CACNA1C: variants seen among roughly 807,000 people sequenced by gnomAD.
CACNA1C encodes calcium voltage-gated channel subunit alpha1 C.
In CACNA1C, 30 loss-of-function variants were observed where a neutral mutation model predicts 229.0. The ratio of observed to expected loss-of-function variants is 0.13; its 90% CI spans 0.10 to 0.18. CACNA1C has a LOEUF of 0.18. CACNA1C is among the 10% of genes least tolerant of loss of function. CACNA1C has a pLI of 1.00. For synonymous variants in CACNA1C, 1,114 were observed against 1,132.5 expected (o/e 0.98, Z 0.33); for missense variants, 1,658 against 2,845.0 (o/e 0.58, Z 9.49).
chr12:2,508,800 A>G (rs765609060), intron 8 of CACNA1C, among the ~76,000 whole-genome samples: 28 of 152,328 alleles, frequency 1.8e-4, no homozygotes, highest in Admixed American at 3.3e-4. Flanking sequence ...ATAGATATTA[A>G]AGGATTTTTT....
chr12:1,998,031 G>T, intron 1 of CACNA1C: 1 of 1,478,112 alleles, frequency 6.8e-7, no homozygotes, highest in Non-Finnish European at 9.2e-7. Flanking sequence ...ATTCACAAAG[G>T]TATAAAACAA....
Position 2,022,373 on chromosome 12 carries a change from G to A in CACNA1C, c.139+51172G>A, listed in dbSNP as rs557580275. ...TAGCTCACATTTGTTTCAATGTTTA[G>A]TATTAGAAGTGTTTTGGTCTTTATT... On this transcript the variant is annotated intron_variant, in intron 1 of 46. Coordinates refer to the CACNA1C transcript ENST00000682462. 3.3e-5 allele frequency among the ~76,000 whole-genome samples: 5 copies of A among 151,946 alleles called. No homozygotes were observed. The South Asian group carries it at 1.0e-3, about 32-fold the overall frequency.
chr12:2,604,429 G>C (rs2074296706), intron 22 of CACNA1C, among the ~76,000 whole-genome samples: 2 of 152,086 alleles, frequency 1.3e-5, no homozygotes, highest in African/African-American at 4.8e-5. Context: ...TAGGTGTCAG[G>C]GGCAATATGT....
At position 2,275,314 on chromosome 12, in the gene CACNA1C, G is replaced by T. The variant is rs1427581682; in HGVS notation, c.477+154884G>T. ...AAGGGCGAGGGAGAGGCATGACTAT[G>T]TGTCTCTGCCTGTCTGTGGACCCCG... On this transcript the variant is annotated intron_variant, in intron 3 of 46. Transcript: ENST00000399655. This position sits in a 1 kb window ranked among gnomAD's most constrained non-coding sequence, Gnocchi z 4.1. Among the ~76,000 whole-genome samples, 1 of 152,134 alleles carries T rather than the reference G, an allele frequency of 6.6e-6. No homozygotes were observed. Among genetic ancestry groups the T allele is most frequent in the African/African-American group, 2.4e-5 (1 of 41,432 alleles).
rs535315976 is a variant in CACNA1C, at chr12:2,029,506, G to T, written c.139+58305G>T. On this transcript the variant is annotated intron_variant, in intron 1 of 46. Transcript: ENST00000682462. The surrounding 1 kb of genome is among the most constrained non-coding windows in gnomAD (Gnocchi z 4.9). ...ATTTACCTATTCTGTATTTTTCACAGAAATGGAATCATGCACTAGGTGAAC... is the reference window on the plus strand; with the variant it reads ...ATTTACCTATTCTGTATTTTTCACATAAATGGAATCATGCACTAGGTGAAC... 3.3e-5 allele frequency among the ~76,000 whole-genome samples: 5 copies of T among 152,346 alleles called. No homozygotes were observed. The highest frequency in any genetic ancestry group is 1.2e-4 in the African/African-American group (5 of 41,578).
At chr12:2,380,258 G>C (rs2098203128) in intron 3 of CACNA1C, among the ~76,000 whole-genome samples, 1 of 152,018 alleles carries the variant, frequency 6.6e-6, no homozygotes, top group Admixed American at 6.5e-5. Context: ...TAGCATCTGT[G>C]TAGTCTAACC....
chr12:2,157,259 T>G (rs1481685194), intron 3 of CACNA1C, among the ~76,000 whole-genome samples: 1 of 152,208 alleles, frequency 6.6e-6, no homozygotes, highest in Non-Finnish European at 1.5e-5. Context: ...TTGTACACAG[T>G]AAATATATAT....
intron 1 of CACNA1C, among the ~76,000 whole-genome samples, chr12:2,035,121 G>T (rs1217558923): frequency 6.6e-6 from 1 of 152,164 alleles, no homozygotes; most frequent in Non-Finnish European, 1.5e-5. Context: ...GCCCGGGGGC[G>T]TGGCCTCCCC....
At chr12:2,420,716 T>C (rs2098969877) in intron 3 of CACNA1C, among the ~76,000 whole-genome samples, 2 of 152,198 alleles carry the variant, frequency 1.3e-5, no homozygotes, top group South Asian at 4.1e-4. Flanking sequence ...AGCAGCAGCC[T>C]GGGGTGCTGG....
intron 46 of CACNA1C, among the ~76,000 whole-genome samples, chr12:2,690,600 C>G (rs1208015796): frequency 6.6e-6 from 1 of 152,218 alleles, no homozygotes; most frequent in Non-Finnish European, 1.5e-5. Context: ...TCCCAAAGTG[C>G]TGGGTGACAG....
chr12:2,050,405 A>C (rs781193009), upstream of CACNA1C, among the ~76,000 whole-genome samples: 3 of 152,240 alleles, frequency 2.0e-5, no homozygotes. Context: ...AGTGAGGATT[A>C]AATAAGATAA....
chr12:2,326,854 C>G (rs1440826551), intron 3 of CACNA1C, among the ~76,000 whole-genome samples: 1 of 152,228 alleles, frequency 6.6e-6, no homozygotes, highest in East Asian at 1.9e-4. Context: ...TTCAATTGTC[C>G]TTAACCAGGG....
intron 3 of CACNA1C, among the ~76,000 whole-genome samples, chr12:2,373,273 A>G (rs920572804): frequency 6.6e-6 from 1 of 152,200 alleles, no homozygotes; most frequent in Non-Finnish European, 1.5e-5. Flanking sequence ...GAGCTTCTCC[A>G]TGTGGCAGGC....
intron 1 of CACNA1C, among the ~76,000 whole-genome samples, chr12:2,078,698 G>A (rs1037853924): frequency 1.3e-5 from 2 of 152,144 alleles, no homozygotes; most frequent in African/African-American, 4.8e-5. Context: ...ACCTAAAAAC[G>A]CTTATCGTGG....
intron 38 of CACNA1C, among the ~76,000 whole-genome samples, chr12:2,673,376 G>A (rs1027629981): frequency 8.6e-5 from 13 of 150,594 alleles, no homozygotes; most frequent in Non-Finnish European, 1.6e-4. Context: ...TGAGGCAGGA[G>A]AATCACTTGA....
intron 1 of CACNA1C, among the ~76,000 whole-genome samples, chr12:2,005,083 G>C (rs1489070271): frequency 6.6e-6 from 1 of 151,840 alleles, no homozygotes; most frequent in African/African-American, 2.4e-5. Context: ...AATCAAGGCA[G>C]GGGCACCAAA....
intron 37 of CACNA1C, among the ~76,000 whole-genome samples, chr12:2,668,145 G>A (rs7306298): frequency 0.68 from 103,054 of 152,212 alleles, 38,320 homozygotes; most frequent in South Asian, 0.84. Flanking sequence ...GGCTGTGGAC[G>A]AATGCTGCCT....
chr12:2,260,154 C>G (rs1033817643), intron 3 of CACNA1C, among the ~76,000 whole-genome samples: 1 of 152,084 alleles, frequency 6.6e-6, no homozygotes, highest in Admixed American at 6.6e-5. Flanking sequence ...ACATTTTGGC[C>G]TGACTTGGCT....
chr12:2,422,013 C>A (rs1320362956), intron 3 of CACNA1C, among the ~76,000 whole-genome samples: 1 of 152,110 alleles, frequency 6.6e-6, no homozygotes, highest in African/African-American at 2.4e-5. Flanking sequence ...TTCCTCCACT[C>A]AGGGAAATCT....
Sources: gnomAD v4.1 joint callset for allele counts (sites outside exome capture counted in the v4.1 genomes callset) on GRCh38, gnomAD v4.1.1 for gene constraint, Gnocchi (gnomAD v3.1) non-coding constraint, MANE v1.5 for transcripts, NCBI Gene and HGNC (gene_info 2026-07-23, HGNC 2026-07-21) for gene names.